GNB1: variants seen among roughly 807,000 people sequenced by gnomAD.
GNB1 encodes the protein guanine nucleotide-binding protein G(I)/G(S)/G(T) subunit beta-1.
In GNB1, 2 loss-of-function variants were observed where a neutral mutation model predicts 42.9. The ratio of observed to expected loss-of-function variants is 0.05; its 90% confidence interval spans 0.02 to 0.15. The LOEUF is 0.15. Ranked by LOEUF, GNB1 falls within the 10% of genes least tolerant of loss-of-function variation. The probability of loss-of-function intolerance (pLI) is 1.00; values close to 1 mark genes in which losing one functional copy is unlikely to be tolerated. For synonymous variants in GNB1, 183 were observed against 174.7 expected (o/e 1.05, Z -0.38); for missense variants, 193 against 462.2 (o/e 0.42, Z 5.34).
At chr1:1,854,699 G>A (rs921379803) in intron 1 of GNB1, among the ~76,000 whole-genome samples, 25 of 152,212 alleles carry the variant, frequency 1.6e-4, no homozygotes, top group African/African-American at 5.8e-4. Flanking sequence ...TTAAGCCCAG[G>A]AGTTGGAGGC....
chr1:1,884,804 T>C (rs1393735891), intron 1 of GNB1, among the ~76,000 whole-genome samples: 1 of 151,816 alleles, frequency 6.6e-6, no homozygotes, highest in Non-Finnish European at 1.5e-5. Flanking sequence ...TGCCTCAGCC[T>C]CCCAAGTAGC....
At chr1:1,813,967 A>G (rs1453379487) in intron 5 of GNB1, among the ~76,000 whole-genome samples, 1 of 152,200 alleles carries the variant, frequency 6.6e-6, no homozygotes, top group African/African-American at 2.4e-5. Context: ...CTACTTTACT[A>G]ACAATTTTGA....
intron 1 of GNB1, among the ~76,000 whole-genome samples, chr1:1,873,676 C>T (rs1284906036): frequency 6.6e-6 from 1 of 152,114 alleles, no homozygotes; most frequent in Non-Finnish European, 1.5e-5. Context: ...TTCGGGAGGC[C>T]GAGGTGGGCG....
At chr1:1,792,938 C>T (rs2100542325) in intron 8 of GNB1, among the ~76,000 whole-genome samples, 1 of 151,906 alleles carries the variant, frequency 6.6e-6, no homozygotes, top group South Asian at 2.1e-4. Flanking sequence ...TGGTGGCGGG[C>T]ACCTGTAATC....
chr1:1,877,410 G>T (rs1042245453), intron 1 of GNB1, among the ~76,000 whole-genome samples: 1 of 150,926 alleles, frequency 6.6e-6, no homozygotes, highest in Admixed American at 6.6e-5. Flanking sequence ...CAAAACACTA[G>T]AAGAAATATA....
chr1:1,823,242 G>GAAAAAA (rs745874003), intron 3 of GNB1, among the ~76,000 whole-genome samples: 2 of 36,854 alleles, frequency 5.4e-5, no homozygotes, highest in Non-Finnish European at 1.1e-4. Flanking sequence ...ACTGTCTCCA[G>GAAAAAA]AAAAAAAAAA....
intron 1 of GNB1, among the ~76,000 whole-genome samples, chr1:1,885,833 C>G (rs1007625109): frequency 6.8e-6 from 1 of 147,568 alleles, no homozygotes; most frequent in African/African-American, 2.5e-5. Context: ...GCTGGGATTA[C>G]AGGCGTGAGC....
At chr1:1,862,621 C>T (rs1648696804) in intron 1 of GNB1, among the ~76,000 whole-genome samples, 1 of 151,526 alleles carries the variant, frequency 6.6e-6, no homozygotes, top group East Asian at 1.9e-4. Context: ...CTCTGATGCC[C>T]CCGATTTTTG....
In GNB1 at chr1:1,790,575, G is replaced by T; in HGVS notation, c.519C>A (p.Thr173=). ...DTTCALWDIE[T]GQQTTTFTGH... ...CGGTAAACGTGGTCGTCTGCTGGCC[G>T]GTCTCGATGTCCCACAGGGCACTGG... The change falls in exon 9 of 12, where the codon ACC becomes ACA. Residue 173 remains threonine, a synonymous_variant. Coordinates refer to ENST00000378609, the MANE Select transcript of GNB1 (RefSeq NM_002074.5). The surrounding 1 kb of genome is among the most constrained non-coding windows in gnomAD (Gnocchi z 5.4). The T allele has an allele frequency of 6.2e-7, 1 of 1,613,130 alleles. No homozygotes were observed. Among genetic ancestry groups the T allele is most frequent in the Non-Finnish European group, 8.5e-7 (1 of 1,179,184 alleles).
At chr1:1,849,441 C>T (rs1647860599) in intron 1 of GNB1, among the ~76,000 whole-genome samples, 1 of 152,192 alleles carries the variant, frequency 6.6e-6, no homozygotes, top group African/African-American at 2.4e-5. Flanking sequence ...AGGTCTCATT[C>T]TATCACCCAG....
rs1355235808 is a variant in GNB1 at position 1,878,631 on chromosome 1, TAACATTCCTC to T, written c.-96+12179_-96+12188del. ...ACAGCCTTTTCCACTGTCGCATAGG[TAACATTCCTC>T]TCACCAAGGCAAGTTGGCATCTCTT... On this transcript the variant is annotated intron_variant, in intron 1 of 11. Coordinates refer to ENST00000378609, the MANE Select transcript of GNB1 (RefSeq NM_002074.5). Among the ~76,000 whole-genome samples, 83 of 152,318 alleles carry T rather than the reference TAACATTCCTC, an allele frequency of 5.4e-4. No individual in the cohort carries two copies. In the East Asian group the frequency reaches 0.015, roughly 28 times the overall value.
chr1:1,888,019 C>T (rs1449972057), intron 1 of GNB1, among the ~76,000 whole-genome samples: 1 of 152,118 alleles, frequency 6.6e-6, no homozygotes, highest in Non-Finnish European at 1.5e-5. Context: ...CTTCAACTTT[C>T]CCACCCACCA....
chr1:1,799,924 C>T lies in GNB1; in HGVS notation c.430+4495G>A, dbSNP rs372830695. On this transcript the variant is annotated intron_variant, in intron 7 of 11. Coordinates refer to ENST00000378609, the MANE Select transcript of GNB1 (RefSeq NM_002074.5). ...GAAAGGGAGTCCCAAACTACACACA[C>T]GGCTGACCAGATATCCGACACCTGA... Among the ~76,000 whole-genome samples, 19 of 152,318 alleles carry T rather than the reference C, an allele frequency of 1.2e-4. No homozygotes were observed. The Middle Eastern group carries it at 0.01, about 82-fold the overall frequency.
At chr1:1,862,347 A>C (rs7511905) in intron 1 of GNB1, among the ~76,000 whole-genome samples, 126,465 of 152,126 alleles carry the variant, frequency 0.83, 54,539 homozygotes, top group Non-Finnish European at 0.95. Context: ...CTTGTCAGGT[A>C]AATTAGGAGA....
chr1:1,851,646 C>G (rs1647989442), intron 1 of GNB1, among the ~76,000 whole-genome samples: 1 of 152,160 alleles, frequency 6.6e-6, no homozygotes, highest in African/African-American at 2.4e-5. Flanking sequence ...AGAACAAATG[C>G]AGAAAAGCAA....
At chr1:1,811,060 T>G (rs1419050275) in intron 5 of GNB1, among the ~76,000 whole-genome samples, 1 of 100,800 alleles carries the variant, frequency 9.9e-6, no homozygotes. Context: ...TGTTTGTGGG[T>G]ATATATATAC....
intron 5 of GNB1, among the ~76,000 whole-genome samples, chr1:1,813,909 C>G (rs940389279): frequency 1.3e-5 from 2 of 152,166 alleles, no homozygotes; most frequent in Admixed American, 1.3e-4. Flanking sequence ...TCAAGCTAAT[C>G]AACATACCCA....
intron 1 of GNB1, among the ~76,000 whole-genome samples, chr1:1,869,985 C>T (rs1649161293): frequency 6.6e-6 from 1 of 152,080 alleles, no homozygotes; most frequent in African/African-American, 2.4e-5. Flanking sequence ...GCCTTAGCCT[C>T]CTGAGTAGCT....
chr1:1,818,598 G>A (rs1359939755), intron 3 of GNB1, among the ~76,000 whole-genome samples: 1 of 151,868 alleles, frequency 6.6e-6, no homozygotes, highest in Non-Finnish European at 1.5e-5. Context: ...TGTGGTGGCT[G>A]ACACCTATAA....
Sources: gnomAD v4.1 joint callset for allele counts (sites outside exome capture counted in the v4.1 genomes callset) on GRCh38, gnomAD v4.1.1 for gene constraint, Gnocchi (gnomAD v3.1) non-coding constraint, MANE v1.5 for transcripts, NCBI Gene and HGNC (gene_info 2026-07-23, HGNC 2026-07-21) for gene names.